Variants in UNC5C observed in about 807,000 individuals in gnomAD.
UNC5C encodes unc-5 netrin receptor C, also known as netrin receptor UNC5C.
In UNC5C, 47 loss-of-function variants were observed where a neutral mutation model predicts 99.8. That is an observed-to-expected ratio of 0.47 (90% CI 0.37 to 0.60). The LOEUF (loss-of-function observed/expected upper bound fraction) is 0.60. Among genes scored for constraint, UNC5C ranks in the 20% least tolerant of loss-of-function variants. The pLI is 0.00. For missense variants in UNC5C, 1,062 were observed against 1,165.9 expected (o/e 0.91, Z 1.30); for synonymous variants, 487 against 452.2 (o/e 1.08, Z -0.98).
intron 1 of UNC5C, among the ~76,000 whole-genome samples, chr4:95,367,187 CTT>C (rs34534787): frequency 1.4e-5 from 2 of 139,004 alleles, no homozygotes; most frequent in Admixed American, 7.3e-5. Flanking sequence ...TTCTCCCATT[CTT>C]TTTTTTTTTT....
At chr4:95,304,385 A>T (rs1463537337) in intron 2 of UNC5C, among the ~76,000 whole-genome samples, 1 of 152,210 alleles carries the variant, frequency 6.6e-6, no homozygotes, top group East Asian at 1.9e-4. Flanking sequence ...AACTAATGTA[A>T]CAATCCTCTC....
chr4:95,335,405 C>G lies in UNC5C; in HGVS notation c.346+5G>C, dbSNP rs2149421005. 1 of 1,609,592 alleles carries G rather than the reference C, an allele frequency of 6.2e-7. No homozygotes were observed. The highest frequency in any genetic ancestry group is 1.1e-5 in the South Asian group (1 of 90,664). On this transcript the variant is annotated splice_donor_5th_base_variant and intron_variant, in intron 2 of 15. Transcript: ENST00000453304. ...AGTGCAATGCAAATGCAATGGAAAA[C>G]TCACCGGAAGTTTCATCTACTCTTT...
intron 1 of UNC5C, among the ~76,000 whole-genome samples, chr4:95,364,715 G>C (rs568381470): frequency 6.6e-6 from 1 of 152,238 alleles, no homozygotes; most frequent in South Asian, 2.1e-4. Context: ...TATTTCTAAG[G>C]TTATTGTGAG....
At chr4:95,410,456 G>A (rs187293434) in intron 1 of UNC5C, among the ~76,000 whole-genome samples, 126 of 152,258 alleles carry the variant, frequency 8.3e-4, no homozygotes, top group African/African-American at 2.8e-3. Context: ...ATGTTTCAGC[G>A]TTCACTAAAA....
At chr4:95,426,633 A>T (rs1746495141) in intron 1 of UNC5C, among the ~76,000 whole-genome samples, 1 of 152,246 alleles carries the variant, frequency 6.6e-6, no homozygotes, top group Non-Finnish European at 1.5e-5. Flanking sequence ...GTGCTACTCC[A>T]GTGAACACAC....
chr4:95,482,416 G>C (rs931555986), intron 1 of UNC5C, among the ~76,000 whole-genome samples: 2 of 151,562 alleles, frequency 1.3e-5, no homozygotes, highest in Admixed American at 6.6e-5. Flanking sequence ...TGGTGGGACT[G>C]TAAACTAGTT....
chr4:95,401,187 T>A (rs576314618), intron 1 of UNC5C, among the ~76,000 whole-genome samples: 1 of 152,302 alleles, frequency 6.6e-6, no homozygotes, highest in Non-Finnish European at 1.5e-5. Context: ...CTTAGTAGAG[T>A]GCCTACCATG....
intron 2 of UNC5C, 136 bp downstream of exon 2, chr4:95,335,274 C>T: frequency 1.2e-6 from 1 of 821,952 alleles, no homozygotes; most frequent in South Asian, 2.2e-5. Flanking sequence ...CAAACCTTAA[C>T]CAAACCAATT....
intron 1 of UNC5C, among the ~76,000 whole-genome samples, chr4:95,401,013 T>C (rs1031964470): frequency 2.6e-5 from 4 of 152,236 alleles, no homozygotes; most frequent in African/African-American, 9.6e-5. Flanking sequence ...TTTTCTTTTA[T>C]TTTAACGACT....
At chr4:95,404,766 C>G (rs1186721684) in intron 1 of UNC5C, among the ~76,000 whole-genome samples, 2 of 152,306 alleles carry the variant, frequency 1.3e-5, no homozygotes, top group Middle Eastern at 3.4e-3. Flanking sequence ...TTTGGCCCAC[C>G]ATGCCCTCTA....
intron 7 of UNC5C, among the ~76,000 whole-genome samples, chr4:95,227,033 T>C (rs895156659): frequency 6.6e-6 from 1 of 152,130 alleles, no homozygotes; most frequent in Admixed American, 6.6e-5. Flanking sequence ...GGGAAAGGTA[T>C]GAGGCTTGTT....
intron 12 of UNC5C, among the ~76,000 whole-genome samples, chr4:95,196,620 A>C (rs1737406506): frequency 6.6e-6 from 1 of 150,450 alleles, no homozygotes; most frequent in Admixed American, 6.8e-5. Flanking sequence ...AATTGTTACA[A>C]AAGCTGCCAA....
intron 1 of UNC5C, among the ~76,000 whole-genome samples, chr4:95,439,644 C>T (rs926581843): frequency 1.3e-5 from 2 of 151,972 alleles, no homozygotes. Flanking sequence ...CATCATTTCC[C>T]AAAGTGCATT....
chr4:95,201,266 A>T (rs890407096), intron 12 of UNC5C, among the ~76,000 whole-genome samples: 5 of 152,114 alleles, frequency 3.3e-5, no homozygotes, highest in African/African-American at 1.2e-4. Context: ...ACTCAGAGGC[A>T]GGAACTTGAC....
At chr4:95,425,180 C>T (rs889360674) in intron 1 of UNC5C, among the ~76,000 whole-genome samples, 84 of 152,286 alleles carry the variant, frequency 5.5e-4, no homozygotes, top group African/African-American at 1.9e-3. Context: ...AGGATCCCTT[C>T]CTACCATAGG....
At chr4:95,434,473 A>G (rs1235520032) in intron 1 of UNC5C, among the ~76,000 whole-genome samples, 1 of 152,032 alleles carries the variant, frequency 6.6e-6, no homozygotes, top group Non-Finnish European at 1.5e-5. Flanking sequence ...AGGGAAAGGA[A>G]AAGACGGACT....
At chr4:95,326,191 G>A (rs1742877307) in intron 2 of UNC5C, among the ~76,000 whole-genome samples, 1 of 152,072 alleles carries the variant, frequency 6.6e-6, no homozygotes, top group Admixed American at 6.6e-5. Flanking sequence ...TACATGTAAG[G>A]TGCTCAGTAT....
intron 1 of UNC5C, among the ~76,000 whole-genome samples, chr4:95,345,795 T>G (rs2149426261): frequency 6.6e-6 from 1 of 152,026 alleles, no homozygotes; most frequent in South Asian, 2.1e-4. Context: ...TTTAAAAATT[T>G]ATTGAAACAA....
chr4:95,390,096 A>G (rs1745315771), intron 1 of UNC5C, among the ~76,000 whole-genome samples: 1 of 152,162 alleles, frequency 6.6e-6, no homozygotes, highest in South Asian at 2.1e-4. Flanking sequence ...TAGTTGCTAC[A>G]GTAAAAAGTA....
Sources: gnomAD v4.1 joint callset for allele counts (sites outside exome capture counted in the v4.1 genomes callset) on GRCh38, gnomAD v4.1.1 for gene constraint, MANE v1.5 for transcripts, NCBI Gene and HGNC (gene_info 2026-07-23, HGNC 2026-07-21) for gene names.